Variants in RPGRIP1L observed in about 807,000 individuals in gnomAD.
The protein encoded by RPGRIP1L is protein fantom.
A neutral mutation model predicts 160.4 loss-of-function variants in RPGRIP1L; 131 were observed. The observed-to-expected ratio is 0.82, with a 90% CI of 0.71 to 0.94. RPGRIP1L has a LOEUF of 0.94. RPGRIP1L is among the 40% of genes least tolerant of loss of function. The pLI is 0.00. For synonymous variants in RPGRIP1L, 510 were observed against 515.8 expected (o/e 0.99, Z 0.15); for missense variants, 1,522 against 1,535.8 (o/e 0.99, Z 0.15).
intron 15 of RPGRIP1L, among the ~76,000 whole-genome samples, chr16:53,650,188 C>T (rs1173362140): frequency 1.3e-5 from 2 of 152,104 alleles, no homozygotes; most frequent in African/African-American, 4.8e-5. Context: ...GAGGGATCCA[C>T]CCTCATGAGT....
At chr16:53,643,305 C>CT (rs1966353438) in intron 17 of RPGRIP1L, among the ~76,000 whole-genome samples, 1 of 125,908 alleles carries the variant, frequency 7.9e-6, no homozygotes, top group Non-Finnish European at 1.6e-5. Context: ...AAGACTCCAT[C>CT]TAAAAAAAAA....
chr16:53,653,015 A>T, intron 14 of RPGRIP1L, 28 bp from the exon 15 acceptor site: 1 of 1,562,246 alleles, frequency 6.4e-7, no homozygotes, highest in Non-Finnish European at 8.8e-7. Context: ...CAGTTTAGAG[A>T]TTTCAAAATA....
intron 25 of RPGRIP1L, among the ~76,000 whole-genome samples, chr16:53,610,462 G>A (rs985891030): frequency 2.6e-5 from 4 of 152,164 alleles, no homozygotes; most frequent in African/African-American, 9.7e-5. Context: ...TGTGTGCTAT[G>A]TGTCAGGTAC....
intron 6 of RPGRIP1L, among the ~76,000 whole-genome samples, chr16:53,681,171 G>T (rs1412144009): frequency 6.6e-6 from 1 of 152,142 alleles, no homozygotes; most frequent in Non-Finnish European, 1.5e-5. Flanking sequence ...TTTGACAGTC[G>T]GCTGTCCGCC....
rs141201084 is a variant in RPGRIP1L, at chr16:53,652,983, T to C, written c.1704A>G (p.Gln568=). 2.3e-4 allele frequency: 368 copies of C among 1,611,512 alleles called. No homozygotes were observed. The highest frequency in any genetic ancestry group is 2.8e-4 in the Non-Finnish European group (333 of 1,178,492). The part of the protein sequence containing the change: ...RAARIHKLEA[Q]LKDIAYGTKQ... ...TGGTGCCATAGGCAATATCCTTTAA[T>C]TGGGCTGCAAGAGAAGACACACAGT... is the stretch of plus-strand genomic sequence containing the variant. Residue 568 remains glutamine (Q), a synonymous_variant, in exon 15 of 27, where the codon CAA becomes CAG. Transcript: ENST00000647211.
Position 53,658,384 on chromosome 16 carries a change from T to C in RPGRIP1L, c.1401+30A>G, listed in dbSNP as rs974159490. ...ATGCTGAAACAGTTGTATGCAGACA[T>C]GAAAATCACGATGAAGTTCAGAACC... On this transcript the variant is annotated intron_variant, in intron 12 of 26. Transcript: ENST00000647211. The C allele has an allele frequency of 1.5e-5, 24 of 1,553,714 alleles. No homozygotes were observed. In the Middle Eastern group the frequency reaches 5.0e-4, roughly 32 times the overall value.
intron 22 of RPGRIP1L, among the ~76,000 whole-genome samples, chr16:53,625,435 TG>T (rs536618406): frequency 8.6e-6 from 1 of 115,954 alleles, no homozygotes; most frequent in Non-Finnish European, 1.8e-5. Context: ...GGGGGTGGGG[TG>T]GGGGGTGCCT....
At position 53,601,262 on chromosome 16, in the gene RPGRIP1L, T is replaced by C. The variant is rs1963366363; in HGVS notation, c.*814A>G. 6.6e-6 allele frequency: 1 copy of C among 152,504 alleles called. No individual in the cohort carries two copies. The highest frequency in any genetic ancestry group is 2.4e-5 in the African/African-American group (1 of 41,476). The allele number at this position is 152,504 out of a possible 1,614,324, so 9.4% of individuals were successfully genotyped here. A position where few individuals can be genotyped will look rare whatever the true frequency, so the allele number is the denominator to read the frequency against. ...ACGTCTAACTAAGCATATCAGAATT[T>C]GAGTTATACTTTTCATAATTTCTTT... On this transcript the variant is annotated 3_prime_UTR_variant, in exon 27 of 27. Coordinates refer to ENST00000647211, the MANE Select transcript of RPGRIP1L (RefSeq NM_015272.5).
At chr16:53,655,186 A>T (rs947310308) in intron 14 of RPGRIP1L, among the ~76,000 whole-genome samples, 3 of 152,232 alleles carry the variant, frequency 2.0e-5, no homozygotes, top group Admixed American at 2.0e-4. Flanking sequence ...AGTCTCTAAG[A>T]AGATTTGCGA....
At position 53,687,972 on chromosome 16, in the gene RPGRIP1L, A is replaced by G. The variant is rs780569188; in HGVS notation, c.530-7T>C. On this transcript the variant is annotated splice_polypyrimidine_tract_variant and splice_region_variant and intron_variant, in intron 4 of 26. Coordinates refer to ENST00000647211, the MANE Select transcript of RPGRIP1L (RefSeq NM_015272.5). ...GCATCTTGGAATTTTATACCTAAAA[A>G]CAAAGTAATAAAATATGATTACAGA... The G allele has an allele frequency of 3.5e-5, 52 of 1,485,138 alleles. No individual in the cohort carries two copies. Among genetic ancestry groups the G allele is most frequent in the Non-Finnish European group, 4.8e-5 (51 of 1,063,446 alleles). The allele number at this position is 1,485,138 out of a possible 1,614,324, so 92.0% of individuals were successfully genotyped here.
chr16:53,669,459 GA>G (rs34727957), intron 9 of RPGRIP1L, among the ~76,000 whole-genome samples: 10,751 of 143,326 alleles, frequency 0.075, 560 homozygotes, highest in East Asian at 0.33. Flanking sequence ...ATAAAACATT[GA>G]AAAAAAAAAA....
intron 14 of RPGRIP1L, 112 bp downstream of exon 14, chr16:53,656,360 A>G (rs1017161631): frequency 4.9e-6 from 4 of 808,638 alleles, no homozygotes; most frequent in Admixed American, 3.4e-5. Context: ...GCTATGAATT[A>G]GGCGTAAACA....
chr16:53,689,756 G>A (rs1304526500), intron 4 of RPGRIP1L, among the ~76,000 whole-genome samples: 2 of 152,146 alleles, frequency 1.3e-5, no homozygotes, highest in Admixed American at 6.6e-5. Flanking sequence ...GTCAGTTTTG[G>A]TAATGATGCT....
At chr16:53,626,156 A>G (rs1016502187) in intron 22 of RPGRIP1L, among the ~76,000 whole-genome samples, 3 of 151,334 alleles carry the variant, frequency 2.0e-5, no homozygotes, top group Admixed American at 6.6e-5. Flanking sequence ...AAAAAAAAAA[A>G]AAAAAAAAAA....
chr16:53,703,748 G>T (rs1485733810), intron 1 of RPGRIP1L, 55 bp downstream of exon 1: 1 of 302,498 alleles, frequency 3.3e-6, no homozygotes, highest in Non-Finnish European at 6.6e-6. Context: ...CTGCAGTGGG[G>T]AGGGTCAGCA....
intron 25 of RPGRIP1L, 109 bp downstream of exon 25, chr16:53,610,858 G>T: frequency 1.1e-6 from 1 of 876,948 alleles, no homozygotes; most frequent in South Asian, 1.3e-5. Flanking sequence ...GTGAGTCAGA[G>T]AACCCCGATG....
intron 5 of RPGRIP1L, 133 bp from the exon 6 acceptor site, chr16:53,686,709 A>G (rs1165852479): frequency 1.3e-6 from 1 of 757,428 alleles, no homozygotes; most frequent in Non-Finnish European, 2.3e-6. Context: ...GCCTCTGCAC[A>G]CAGTGAAATA....
chr16:53,685,719 TG>T (rs1969959177), intron 6 of RPGRIP1L, among the ~76,000 whole-genome samples: 1 of 116,788 alleles, frequency 8.6e-6, no homozygotes, highest in Non-Finnish European at 1.8e-5. Context: ...GGGTGAGGGG[TG>T]GGAGGAGGGA....
chr16:53,697,856 C>T (rs1388199460), intron 2 of RPGRIP1L, among the ~76,000 whole-genome samples: 1 of 151,648 alleles, frequency 6.6e-6, no homozygotes, highest in African/African-American at 2.4e-5. Flanking sequence ...CTCTGCCTGG[C>T]TGCCCAGTCT....
Sources: allele counts gnomAD v4.1 joint callset (sites outside exome capture counted in the v4.1 genomes callset), GRCh38; gene constraint gnomAD v4.1.1; transcripts MANE v1.5; gene names NCBI Gene and HGNC (gene_info 2026-07-23, HGNC 2026-07-21).